The following SYT17 variants were observed in gnomAD, a reference collection of about 807,000 sequenced individuals.
The protein encoded by SYT17 is synaptotagmin 17, also known as synaptotagmin-17.
Under a neutral mutation model 46.7 loss-of-function variants are expected in SYT17, and 22 were observed. The ratio of observed to expected loss-of-function variants is 0.47; its 90% CI spans 0.34 to 0.67. The LOEUF is 0.67. Ranked by LOEUF, SYT17 falls within the 30% of genes least tolerant of loss-of-function variation. The pLI, the probability that SYT17 is intolerant of heterozygous loss-of-function variation, is 0.01. For synonymous variants in SYT17, 251 were observed against 248.4 expected (o/e 1.01, Z -0.10); for missense variants, 519 against 612.8 (o/e 0.85, Z 1.62).
chr16:19,196,193 T>G (rs978378433), intron 5 of SYT17, among the ~76,000 whole-genome samples: 2 of 152,062 alleles, frequency 1.3e-5, no homozygotes, highest in Admixed American at 6.6e-5. Flanking sequence ...GTGCTTCAAT[T>G]TATACTACTT....
chr16:19,263,641 A>G, intron 7 of SYT17, among the ~76,000 whole-genome samples: 1 of 120,216 alleles, frequency 8.3e-6, no homozygotes, highest in East Asian at 2.1e-4. Flanking sequence ...ATTACAACTC[A>G]AAAAAAAAAA....
rs1432730430 is a variant in SYT17, at chr16:19,183,920, T to C, written c.724T>C (p.Ser242Pro). Residue 242 changes from serine (S) to proline (P), a missense_variant, in exon 5 of 8, where the codon TCA (serine) becomes CCA (proline). By Grantham distance (74) the Ser-to-Pro change is moderately conservative (BLOSUM62 -1). Transcript: ENST00000355377. The surrounding 1 kb of genome is among the most constrained non-coding windows in gnomAD (Gnocchi z 5.6). ...KICLLPDQKN[S>P]KQTGVKRKTQ... ...CTGTCTCCTGCCAGACCAGAAGAAC[T>C]CAAAGCAGACCGGGGTCAAACGCAA... is the stretch of plus-strand genomic sequence containing the variant. 1.9e-6 allele frequency: 3 copies of C among 1,614,186 alleles called. No homozygotes were observed. Among genetic ancestry groups the C allele is most frequent in the Non-Finnish European group, 2.5e-6 (3 of 1,180,040 alleles).
At chr16:19,232,127 G>C (rs2269789) in intron 7 of SYT17, among the ~76,000 whole-genome samples, 60,949 of 152,094 alleles carry the variant, frequency 0.4, 12,720 homozygotes, top group Non-Finnish European at 0.46. Context: ...ACTGCCAGGG[G>C]TTGGCATGAA....
intron 5 of SYT17, among the ~76,000 whole-genome samples, chr16:19,222,682 G>A (rs1966364205): frequency 6.6e-6 from 1 of 152,186 alleles, no homozygotes; most frequent in South Asian, 2.1e-4. Context: ...ATTTAACCCT[G>A]TGAGCCTCGG....
At chr16:19,173,986 A>G (rs1428218687) in intron 3 of SYT17, among the ~76,000 whole-genome samples, 1 of 152,192 alleles carries the variant, frequency 6.6e-6, no homozygotes, top group African/African-American at 2.4e-5. Context: ...AAGATTCCCT[A>G]GCACTTAGCC....
At chr16:19,215,211 A>T (rs1159306627) in intron 5 of SYT17, among the ~76,000 whole-genome samples, 3 of 152,102 alleles carry the variant, frequency 2.0e-5, no homozygotes, top group African/African-American at 7.2e-5. Flanking sequence ...CTCTTTTTTT[A>T]AAATTTATTT....
intron 5 of SYT17, among the ~76,000 whole-genome samples, chr16:19,207,629 T>C (rs1250482402): frequency 6.6e-6 from 1 of 152,058 alleles, no homozygotes; most frequent in Non-Finnish European, 1.5e-5. Context: ...CATGGTCCAA[T>C]CACCTCCCAC....
At chr16:19,258,506 G>A (rs1162326682) in intron 7 of SYT17, among the ~76,000 whole-genome samples, 1 of 152,104 alleles carries the variant, frequency 6.6e-6, no homozygotes, top group African/African-American at 2.4e-5. Flanking sequence ...GCCAGGCATG[G>A]TGGTGCATAC....
chr16:19,231,023 T>C (rs1336638440), intron 7 of SYT17, among the ~76,000 whole-genome samples: 1 of 152,234 alleles, frequency 6.6e-6, no homozygotes, highest in African/African-American at 2.4e-5. Flanking sequence ...TTTATCTACG[T>C]TGTCTACATA....
At chr16:19,218,981 A>G in intron 5 of SYT17, among the ~76,000 whole-genome samples, 1 of 151,518 alleles carries the variant, frequency 6.6e-6, no homozygotes. Flanking sequence ...GAGAAACCCT[A>G]CCCCATCCAC....
intron 7 of SYT17, among the ~76,000 whole-genome samples, chr16:19,265,591 T>G (rs1969299860): frequency 6.6e-6 from 1 of 152,254 alleles, no homozygotes; most frequent in Non-Finnish European, 1.5e-5. Flanking sequence ...AGTTGCTTTA[T>G]ATGATATTCA....
chr16:19,180,423 A>G lies in SYT17; in HGVS notation c.215A>G (p.Asp72Gly). Reference protein sequence around the residue: ...MASRSSDKDGDSVHTASEVPL... With the variant: ...MASRSSDKDGGSVHTASEVPL... ...AGCCGGAGCAGTGACAAGGATGGTG[A>G]CTCTGTCCACACGGCCAGCGAAGTC... Residue 72 changes from aspartate (D) to glycine (G), a missense_variant, in exon 4 of 8, where the codon GAC (aspartate) becomes GGC (glycine). Asp to Gly is a moderately conservative substitution (Grantham distance 94). Transcript: ENST00000355377. The G allele has an allele frequency of 6.2e-7, 1 of 1,614,094 alleles. No homozygotes were observed. Among genetic ancestry groups the G allele is most frequent in the Non-Finnish European group, 8.5e-7 (1 of 1,179,992 alleles).
At chr16:19,173,007 CTCTG>C (rs996122555) in intron 2 of SYT17, 6 of 597,324 alleles carry the variant, frequency 1.0e-5, no homozygotes, top group African/African-American at 9.3e-5. Context: ...GTTTGATTAT[CTCTG>C]TCTGTTTCAT....
At chr16:19,221,829 TTAGA>T (rs373171466) in intron 5 of SYT17, among the ~76,000 whole-genome samples, 76 of 152,224 alleles carry the variant, frequency 5.0e-4, no homozygotes, top group African/African-American at 1.6e-3. Context: ...GATGAGACAG[TTAGA>T]TAGATAGATA....
rs1328359056 is a variant in SYT17 at position 19,223,254 on chromosome 16, A to G, written c.1072+89A>G. ...CCAGTTTTCTTTTTCCGTATCCTGG[A>G]TGAGCATTACTCATCTCAGGATGAG... On this transcript the variant is annotated intron_variant, in intron 6 of 7. Coordinates refer to ENST00000355377, the MANE Select transcript of SYT17 (RefSeq NM_016524.4). 5.3e-6 allele frequency: 8 copies of G among 1,508,942 alleles called. No homozygotes were observed. The Admixed American group carries it at 1.5e-4, about 28-fold the overall frequency. The allele number at this position is 1,508,942 out of a possible 1,614,324, so 93.5% of individuals were successfully genotyped here.
At chr16:19,203,127 G>A (rs1464842335) in intron 5 of SYT17, among the ~76,000 whole-genome samples, 1 of 152,080 alleles carries the variant, frequency 6.6e-6, no homozygotes, top group East Asian at 1.9e-4. Context: ...TCCCTTTACT[G>A]TCATATATTA....
intron 7 of SYT17, among the ~76,000 whole-genome samples, chr16:19,231,543 AAAAAAAAG>A (rs1966687281): frequency 3.4e-5 from 5 of 147,546 alleles, no homozygotes; most frequent in Non-Finnish European, 7.4e-5. Flanking sequence ...AAAAAAAAAA[AAAAAAAAG>A]AAAAGAAAAA....
Position 19,168,727 on chromosome 16 carries a change from G to T in SYT17, c.15+66G>T. 1 of 1,417,212 alleles carries T rather than the reference G, an allele frequency of 7.1e-7. No homozygotes were observed. Among genetic ancestry groups the T allele is most frequent in the Non-Finnish European group, 9.2e-7 (1 of 1,082,126 alleles). The allele number at this position is 1,417,212 out of a possible 1,614,324, so 87.8% of individuals were successfully genotyped here. A position where few individuals can be genotyped will look rare whatever the true frequency, so the allele number is the denominator to read the frequency against. ...GGGGTGCCGCGCCCCCTCCGGCTGG[G>T]AGCGCGCGGAAGGGAGGGCCCACGG... On this transcript the variant is annotated intron_variant, in intron 1 of 7. Coordinates refer to ENST00000355377, the MANE Select transcript of SYT17 (RefSeq NM_016524.4). This position sits in a 1 kb window ranked among gnomAD's most constrained non-coding sequence, Gnocchi z 6.9.
intron 3 of SYT17, among the ~76,000 whole-genome samples, chr16:19,178,999 C>T (rs1964437287): frequency 6.6e-6 from 1 of 151,742 alleles, no homozygotes; most frequent in African/African-American, 2.4e-5. Flanking sequence ...GAGTTCGAGT[C>T]CAGCCTGGGC....
Sources: gnomAD v4.1 joint callset for allele counts (sites outside exome capture counted in the v4.1 genomes callset) on GRCh38, gnomAD v4.1.1 for gene constraint, Gnocchi (gnomAD v3.1) non-coding constraint, MANE v1.5 for transcripts, NCBI Gene and HGNC (gene_info 2026-07-23, HGNC 2026-07-21) for gene names.